The following ITFG2 variants were observed in gnomAD, a reference collection of about 807,000 sequenced individuals.
The protein encoded by ITFG2 is KICSTOR complex protein ITFG2.
ITFG2 carries 36 observed loss-of-function variants against 54.4 expected under a neutral mutation model. The ratio of observed to expected loss-of-function variants is 0.66; its 90% confidence interval spans 0.51 to 0.87. The LOEUF is 0.87. Ranked by LOEUF, ITFG2 falls within the 40% of genes least tolerant of loss-of-function variation. The pLI is 0.00. For synonymous variants in ITFG2, 211 were observed against 225.4 expected (o/e 0.94, Z 0.57); for missense variants, 524 against 576.7 (o/e 0.91, Z 0.94).
chr12:2,852,469 C>A (rs1001014559), intron 2 of ITFG2, among the ~76,000 whole-genome samples: 1 of 152,098 alleles, frequency 6.6e-6, no homozygotes, highest in East Asian at 1.9e-4. Context: ...TGGGCTCAGA[C>A]AGTCCTCCCA....
intron 5 of ITFG2, 141 bp from the exon 6 acceptor site, chr12:2,820,583 C>T: frequency 1.3e-6 from 1 of 764,320 alleles, no homozygotes; most frequent in East Asian, 2.7e-5. Flanking sequence ...CTGCTGCTAC[C>T]CTTGAAGCCC....
At chr12:2,857,667 A>G (rs1322072830) in intron 2 of ITFG2, 2 of 153,278 alleles carry the variant, frequency 1.3e-5, no homozygotes, top group Non-Finnish European at 2.9e-5. Flanking sequence ...ACGCCAATAA[A>G]CCACAGAGCC....
Position 2,838,840 on chromosome 12 carries a change from A to T in ITFG2, n.146+1884A>T, listed in dbSNP as rs112084387. ...GTGGGATATATTGTTCTAGCAATAT[A>T]AAGCTCTGAGGCCTTTCTGCAGGAC... On this transcript the variant is annotated intron_variant and non_coding_transcript_variant, in intron 1 of 3. Transcript: ENST00000537710. Among the ~76,000 whole-genome samples, 124 of 152,334 alleles carry T rather than the reference A, an allele frequency of 8.1e-4. 2 individuals are homozygous for T. Among genetic ancestry groups the T allele is most frequent in the African/African-American group, 2.9e-3 (122 of 41,574 alleles).
At chr12:2,818,828 G>T (rs1464323076) in intron 4 of ITFG2, among the ~76,000 whole-genome samples, 2 of 151,832 alleles carry the variant, frequency 1.3e-5, no homozygotes, top group Non-Finnish European at 2.9e-5. Context: ...GACCAGCCTG[G>T]CCCACACGGT....
At chr12:2,839,003 AC>A (rs1189405710) in intron 1 of ITFG2, among the ~76,000 whole-genome samples, 2 of 151,874 alleles carry the variant, frequency 1.3e-5, no homozygotes, top group African/African-American at 4.8e-5. Flanking sequence ...AAAAAAAAAA[AC>A]AATTTAGCTG....
intron 1 of ITFG2, among the ~76,000 whole-genome samples, chr12:2,840,010 ACT>A (rs2098037198): frequency 6.6e-6 from 1 of 151,080 alleles, no homozygotes. Flanking sequence ...TACTGTGGTC[ACT>A]CTCTGAGTGA....
intron 2 of ITFG2, 110 bp downstream of exon 2, chr12:2,817,428 C>T (rs1293698754): frequency 5.7e-6 from 4 of 704,042 alleles, no homozygotes; most frequent in Non-Finnish European, 9.5e-6. Context: ...GACTCCCTAG[C>T]TACTGGGCCC....
downstream of ITFG2, among the ~76,000 whole-genome samples, chr12:2,831,290 A>G (rs1467192252): frequency 6.6e-6 from 1 of 151,658 alleles, no homozygotes; most frequent in Non-Finnish European, 1.5e-5. Flanking sequence ...ACAGTAAGAA[A>G]CTCAAGAACT....
upstream of ITFG2, chr12:2,834,776 C>T (rs201909096): frequency 1.5e-4 from 243 of 1,613,736 alleles, no homozygotes; most frequent in Non-Finnish European, 1.9e-4. Flanking sequence ...AGCTGTGCCT[C>T]CTGCCCCCTC....
chr12:2,842,606 C>T (rs1479096690), intron 2 of ITFG2, among the ~76,000 whole-genome samples: 1 of 152,030 alleles, frequency 6.6e-6, no homozygotes, highest in East Asian at 1.9e-4. Context: ...GTGACATGCG[C>T]CTGTAGTTCC....
intron 2 of ITFG2, chr12:2,830,681 A>G (rs2153926102): frequency 6.3e-7 from 1 of 1,592,188 alleles, no homozygotes; most frequent in Non-Finnish European, 8.5e-7. Context: ...GTTGTTAATG[A>G]AAGTGTGTCC....
At chr12:2,855,556 T>G in intron 2 of ITFG2, 2 of 843,968 alleles carry the variant, frequency 2.4e-6, no homozygotes, top group Non-Finnish European at 3.3e-6. Context: ...CAGCCCAGGA[T>G]TCTCATGAGG....
chr12:2,857,489 C>G (rs546156729), intron 2 of ITFG2: 25 of 196,458 alleles, frequency 1.3e-4, no homozygotes, highest in Admixed American at 7.3e-4. Flanking sequence ...GTGAGCTGTG[C>G]AGGACTAGCA....
At chr12:2,840,614 A>G (rs997756842) in intron 1 of ITFG2, among the ~76,000 whole-genome samples, 4 of 151,786 alleles carry the variant, frequency 2.6e-5, no homozygotes, top group Non-Finnish European at 5.9e-5. Context: ...GTGAAACCCC[A>G]TCTCTACTAA....
chr12:2,857,430 C>T (rs1176254047), intron 2 of ITFG2: 4 of 251,188 alleles, frequency 1.6e-5, no homozygotes, highest in Non-Finnish European at 2.4e-5. Context: ...AGTTAACCAG[C>T]AGGTCCAAAG....
chr12:2,821,362 G>A lies in ITFG2; in HGVS notation c.793+3G>A, dbSNP rs1325691621. The A allele has an allele frequency of 2.5e-6, 4 of 1,604,348 alleles. No individual in the cohort carries two copies. The highest frequency in any genetic ancestry group is 1.1e-5 in the South Asian group (1 of 89,718). On this transcript the variant is annotated splice_donor_region_variant and intron_variant, in intron 7 of 11. Transcript: ENST00000228799. ...CCTAATTGGCAACATCAAACAAGGT[G>A]AAAGTGTGGTGGGTGTGAGGGAGGG...
In ITFG2 at chr12:2,815,745, G is replaced by A. The variant is rs143863168; in HGVS notation, c.97-1478G>A. ...AGCTGTTCAGGTCGCATACTTTTCT[G>A]GGGTGGGCCATAGATTGTGTGTAGC... is the stretch of plus-strand genomic sequence containing the variant. On this transcript the variant is annotated intron_variant, in intron 1 of 11. Coordinates refer to ENST00000228799, the MANE Select transcript of ITFG2 (RefSeq NM_018463.4). 3.3e-5 allele frequency among the ~76,000 whole-genome samples: 5 copies of A among 152,322 alleles called. No homozygotes were observed. In the East Asian group the frequency reaches 9.6e-4, roughly 29 times the overall value.
chr12:2,827,572 C>T (rs1242108790), downstream of ITFG2: 3 of 1,613,300 alleles, frequency 1.9e-6, no homozygotes, highest in African/African-American at 4.0e-5. This position sits in a 1 kb window ranked among gnomAD's most constrained non-coding sequence, Gnocchi z 4.0. Flanking sequence ...ACACCTGTGC[C>T]TTCTACTACT....
At chr12:2,857,377 AC>A in intron 2 of ITFG2, 1 of 342,284 alleles carries the variant, frequency 2.9e-6, no homozygotes, top group Non-Finnish European at 5.6e-6. Context: ...AGGGGGCCCT[AC>A]CCCTCGTGAG....
Sources: gnomAD v4.1 joint callset for allele counts (sites outside exome capture counted in the v4.1 genomes callset) on GRCh38, gnomAD v4.1.1 for gene constraint, Gnocchi (gnomAD v3.1) non-coding constraint, MANE v1.5 for transcripts, NCBI Gene and HGNC (gene_info 2026-07-23, HGNC 2026-07-21) for gene names.